Variants in COX16 observed in about 807,000 individuals in gnomAD.
COX16 encodes the protein cytochrome c oxidase assembly protein COX16 homolog, mitochondrial.
Under a neutral mutation model 15.4 loss-of-function variants are expected in COX16, and 12 were observed. The ratio of observed to expected loss-of-function variants is 0.78; its 90% CI spans 0.50 to 1.26. COX16 has a LOEUF of 1.26. COX16 is among the 50% of genes most tolerant of loss of function. The pLI, the probability that COX16 is intolerant of heterozygous loss-of-function variation, is 0.00. For missense variants in COX16, 124 were observed against 127.6 expected, an observed-to-expected ratio of 0.97 and a Z score of 0.14; for synonymous variants, 46 against 41.1, an observed-to-expected ratio of 1.12 and a Z score of -0.46.
At chr14:70,353,176 G>A (rs1333825628) in intron 1 of COX16, among the ~76,000 whole-genome samples, 3 of 150,018 alleles carry the variant, frequency 2.0e-5, no homozygotes, top group Admixed American at 6.7e-5. Flanking sequence ...CAGGAGAATC[G>A]CTTGAATCTG....
intron 2 of COX16, among the ~76,000 whole-genome samples, chr14:70,329,474 ATTATC>A (rs1426522201): frequency 2.6e-5 from 4 of 152,184 alleles, no homozygotes; most frequent in African/African-American, 9.6e-5. Flanking sequence ...TTTGACATAT[ATTATC>A]TTGTTTCATC....
At chr14:70,326,543 A>T in intron 3 of COX16, 94 bp from the exon 4 acceptor site, 3 of 893,168 alleles carry the variant, frequency 3.4e-6, no homozygotes, top group Non-Finnish European at 4.7e-6. Context: ...AATGAGTAGA[A>T]AGTATCCGAT....
rs939589355 is a variant in COX16, at chr14:70,336,680, T to C, written c.141+5978A>G. 3.9e-5 allele frequency among the ~76,000 whole-genome samples: 6 copies of C among 152,326 alleles called. No homozygotes were observed. In the East Asian group the frequency reaches 9.7e-4, roughly 25 times the overall value. On this transcript the variant is annotated intron_variant, in intron 2 of 3. Transcript: ENST00000389912. ...AGGAACTGACTGTATTATTGAGAGA[T>C]ATATCTGTACTTTGTGTGATTTAAA... is the stretch of plus-strand genomic sequence containing the variant.
chr14:70,358,809 C>T (rs1887209693), intron 1 of COX16, among the ~76,000 whole-genome samples: 1 of 152,178 alleles, frequency 6.6e-6, no homozygotes, highest in Admixed American at 6.5e-5. Context: ...TGGATTTCAA[C>T]TCTGGTTGTC....
intron 1 of COX16, among the ~76,000 whole-genome samples, chr14:70,344,652 T>G (rs2140726174): frequency 6.6e-6 from 1 of 152,220 alleles, no homozygotes; most frequent in East Asian, 1.9e-4. Flanking sequence ...GGATGAATAG[T>G]GTAAGATTCT....
At chr14:70,333,185 A>C (rs1008448484) in intron 2 of COX16, among the ~76,000 whole-genome samples, 3 of 152,348 alleles carry the variant, frequency 2.0e-5, no homozygotes, top group Admixed American at 6.5e-5. Context: ...CATTTCCTTG[A>C]GTATCAGAAA....
chr14:70,330,404 T>C (rs1384981418), intron 2 of COX16, among the ~76,000 whole-genome samples: 2 of 152,082 alleles, frequency 1.3e-5, no homozygotes, highest in Non-Finnish European at 2.9e-5. Context: ...CAAAGAAAAG[T>C]CCAGGGTCAG....
chr14:70,357,656 A>T (rs914254157), intron 1 of COX16, among the ~76,000 whole-genome samples: 1 of 152,272 alleles, frequency 6.6e-6, no homozygotes, highest in South Asian at 2.1e-4. Context: ...GCTCAACATA[A>T]TAAGTCGTTA....
At chr14:70,358,420 G>A (rs996903682) in intron 1 of COX16, among the ~76,000 whole-genome samples, 2 of 108,144 alleles carry the variant, frequency 1.8e-5, no homozygotes, top group Admixed American at 1.3e-4. Context: ...TTGCTGGTTT[G>A]GAACTCCTGA....
intron 1 of COX16, among the ~76,000 whole-genome samples, chr14:70,347,636 C>T (rs1886822354): frequency 6.6e-6 from 1 of 152,134 alleles, no homozygotes. Flanking sequence ...AAAGAGACTG[C>T]AACGCCCATG....
At chr14:70,350,624 A>T (rs1018554260) in intron 1 of COX16, among the ~76,000 whole-genome samples, 2 of 152,234 alleles carry the variant, frequency 1.3e-5, no homozygotes, top group Non-Finnish European at 2.9e-5. Flanking sequence ...TCTAAAAACA[A>T]CAACACACAA....
At chr14:70,338,127 T>C (rs1886513032) in intron 2 of COX16, among the ~76,000 whole-genome samples, 1 of 152,214 alleles carries the variant, frequency 6.6e-6, no homozygotes, top group Admixed American at 6.5e-5. Flanking sequence ...GTCTCTTGTT[T>C]TTTTGAGACA....
chr14:70,339,943 C>T (rs958833790), intron 2 of COX16, among the ~76,000 whole-genome samples: 1 of 152,238 alleles, frequency 6.6e-6, no homozygotes, highest in South Asian at 2.1e-4. Flanking sequence ...GTCCTCACAA[C>T]TTCAATCAAC....
At chr14:70,349,069 C>T (rs1244421033) in intron 1 of COX16, among the ~76,000 whole-genome samples, 1 of 152,216 alleles carries the variant, frequency 6.6e-6, no homozygotes, top group East Asian at 1.9e-4. Flanking sequence ...TTCTTCCTCA[C>T]TCTCAAAGCC....
At chr14:70,330,205 C>T (rs774330500) in intron 2 of COX16, among the ~76,000 whole-genome samples, 3 of 152,054 alleles carry the variant, frequency 2.0e-5, no homozygotes, top group Admixed American at 6.6e-5. Context: ...AAAAGGTCAA[C>T]AGCACAAATT....
intron 2 of COX16, among the ~76,000 whole-genome samples, chr14:70,340,001 A>G (rs1886576508): frequency 6.6e-6 from 1 of 151,920 alleles, no homozygotes; most frequent in Non-Finnish European, 1.5e-5. Context: ...CTTTGACTCC[A>G]TTTCCTAAAC....
At chr14:70,337,119 T>C (rs2140704588) in intron 2 of COX16, among the ~76,000 whole-genome samples, 1 of 152,184 alleles carries the variant, frequency 6.6e-6, no homozygotes, top group South Asian at 2.1e-4. Flanking sequence ...AGGGCTATAA[T>C]GACAAAAAGT....
intron 1 of COX16, among the ~76,000 whole-genome samples, chr14:70,358,472 A>G (rs1393576791): frequency 7.1e-6 from 1 of 140,720 alleles, no homozygotes; most frequent in African/African-American, 2.7e-5. Context: ...TAACACTGGG[A>G]TTACAGGTGT....
At chr14:70,347,958 C>A (rs573003450) in intron 1 of COX16, among the ~76,000 whole-genome samples, 2 of 152,198 alleles carry the variant, frequency 1.3e-5, no homozygotes, top group African/African-American at 4.8e-5. Flanking sequence ...GCCTATTACC[C>A]AACCTTTCCA....
Sources: gnomAD v4.1 joint callset for allele counts (sites outside exome capture counted in the v4.1 genomes callset) on GRCh38, gnomAD v4.1.1 for gene constraint, MANE v1.5 for transcripts, NCBI Gene and HGNC (gene_info 2026-07-23, HGNC 2026-07-21) for gene names.